The following SLC35D4 variants were observed in gnomAD, a reference collection of about 807,000 sequenced individuals.
SLC35D4 encodes solute carrier family 35 member D4.
the SLC35D4 span, among the ~76,000 whole-genome samples, chr18:23,248,404 G>A: frequency 2.0e-4 from 31 of 152,178 alleles, no homozygotes; most frequent in African/African-American, 6.0e-4. Flanking sequence ...AAGAGGAGCC[G>A]GTGCAGGGGC....
the SLC35D4 span, among the ~76,000 whole-genome samples, chr18:23,422,141 T>C: frequency 6.6e-6 from 1 of 152,140 alleles, no homozygotes; most frequent in Admixed American, 6.5e-5. Context: ...TTATTATTGT[T>C]TTTATTCATA....
the SLC35D4 span, among the ~76,000 whole-genome samples, chr18:23,300,024 A>G: frequency 6.6e-6 from 1 of 152,166 alleles, no homozygotes; most frequent in Non-Finnish European, 1.5e-5. Context: ...CATTGTCAGC[A>G]CTGTCTCCGT....
chr18:23,323,805 G>T, the SLC35D4 span, among the ~76,000 whole-genome samples: 1 of 152,118 alleles, frequency 6.6e-6, no homozygotes, highest in Non-Finnish European at 1.5e-5. Flanking sequence ...GAGGCCGGGT[G>T]TGTTGGCTCA....
At chr18:23,402,726 C>T in the SLC35D4 span, among the ~76,000 whole-genome samples, 1 of 151,980 alleles carries the variant, frequency 6.6e-6, no homozygotes, top group East Asian at 1.9e-4. Flanking sequence ...ATCGTTTGAG[C>T]CCAGGAGGTC....
At chr18:23,287,836 G>T in the SLC35D4 span, among the ~76,000 whole-genome samples, 1 of 152,212 alleles carries the variant, frequency 6.6e-6, no homozygotes, top group African/African-American at 2.4e-5. Context: ...AAGGACCGGG[G>T]TCGCGTCCTG....
At chr18:23,346,371 C>T in the SLC35D4 span, among the ~76,000 whole-genome samples, 1 of 152,312 alleles carries the variant, frequency 6.6e-6, no homozygotes, top group East Asian at 1.9e-4. Context: ...CTTCCCACTT[C>T]AGTCTCCGAA....
the SLC35D4 span, among the ~76,000 whole-genome samples, chr18:23,294,941 T>C: frequency 6.6e-6 from 1 of 152,140 alleles, no homozygotes; most frequent in Non-Finnish European, 1.5e-5. Flanking sequence ...TTAAACTGCA[T>C]GGCTCTTTGC....
At chr18:23,399,277 C>T in the SLC35D4 span, among the ~76,000 whole-genome samples, 1 of 152,188 alleles carries the variant, frequency 6.6e-6, no homozygotes, top group African/African-American at 2.4e-5. Context: ...TGGGGCATTC[C>T]CACTCTGCCC....
the SLC35D4 span, chr18:23,297,365 A>G: frequency 6.6e-6 from 1 of 151,934 alleles, no homozygotes; most frequent in African/African-American, 2.4e-5. Context: ...TAAAATAATA[A>G]AAATAGAAAA....
the SLC35D4 span, among the ~76,000 whole-genome samples, chr18:23,352,564 A>G: frequency 2.0e-5 from 3 of 152,240 alleles, no homozygotes; most frequent in East Asian, 1.9e-4. Context: ...AAGAAAAAAA[A>G]GGTGGAGGAC....
At chr18:23,285,772 A>G in the SLC35D4 span, among the ~76,000 whole-genome samples, 4 of 150,726 alleles carry the variant, frequency 2.7e-5, no homozygotes, top group East Asian at 1.9e-4. Flanking sequence ...TCCTTTTATC[A>G]CCTCCCCTCC....
chr18:23,389,201 T>C, the SLC35D4 span, among the ~76,000 whole-genome samples: 4 of 151,814 alleles, frequency 2.6e-5, no homozygotes, highest in East Asian at 7.8e-4. Flanking sequence ...GTTGGCCAGG[T>C]TGGTCTCGAA....
chr18:23,329,870 G>A, the SLC35D4 span, among the ~76,000 whole-genome samples: 5 of 152,202 alleles, frequency 3.3e-5, no homozygotes, highest in African/African-American at 1.2e-4. Flanking sequence ...GGAATACTAT[G>A]CAGCCATAAA....
the SLC35D4 span, among the ~76,000 whole-genome samples, chr18:23,370,047 C>A: frequency 6.6e-6 from 1 of 152,226 alleles, no homozygotes; most frequent in Admixed American, 6.5e-5. Flanking sequence ...AGCATGGTGG[C>A]GCATGCCTGT....
chr18:23,350,249 T>C, the SLC35D4 span, among the ~76,000 whole-genome samples: 1 of 152,194 alleles, frequency 6.6e-6, no homozygotes, highest in Non-Finnish European at 1.5e-5. Flanking sequence ...TACTCAAATT[T>C]TTTTCTTGTT....
At chr18:23,270,063 A>G in the SLC35D4 span, among the ~76,000 whole-genome samples, 1 of 152,352 alleles carries the variant, frequency 6.6e-6, no homozygotes, top group African/African-American at 2.4e-5. Flanking sequence ...GCATGTCACA[A>G]ATCTTCGTGG....
the SLC35D4 span, among the ~76,000 whole-genome samples, chr18:23,405,961 G>A: frequency 7.2e-5 from 11 of 152,166 alleles, no homozygotes; most frequent in African/African-American, 2.4e-4. Flanking sequence ...GTAAAGACAT[G>A]AGCTACAAGT....
the SLC35D4 span, among the ~76,000 whole-genome samples, chr18:23,436,154 A>G: frequency 6.7e-6 from 1 of 149,638 alleles, no homozygotes; most frequent in South Asian, 2.1e-4. Flanking sequence ...CAGCCACCTG[A>G]GTAGCTGGAA....
At chr18:23,411,327 AGGGAAG>A in the SLC35D4 span, among the ~76,000 whole-genome samples, 3 of 141,960 alleles carry the variant, frequency 2.1e-5, no homozygotes, top group African/African-American at 7.9e-5. Flanking sequence ...AGGGAAGAGA[AGGGAAG>A]GGAAAGGGAA....
Sources: gnomAD v4.1 joint callset for allele counts (sites outside exome capture counted in the v4.1 genomes callset) on GRCh38, gnomAD v4.1.1 for gene constraint, MANE v1.5 for transcripts, NCBI Gene and HGNC (gene_info 2026-07-23, HGNC 2026-07-21) for gene names.